The following TTC17 variants were observed in gnomAD, a reference collection of about 807,000 sequenced individuals.
TTC17 encodes the protein tetratricopeptide repeat domain 17.
In TTC17, 58 loss-of-function variants were observed where a neutral mutation model predicts 143.8. The ratio of observed to expected loss-of-function variants is 0.40; its 90% confidence interval spans 0.33 to 0.50. The LOEUF (loss-of-function observed/expected upper bound fraction) is 0.50. Among genes scored for constraint, TTC17 ranks in the 20% least tolerant of loss-of-function variants. The pLI, the probability that TTC17 is intolerant of heterozygous loss-of-function variation, is 0.49. For missense variants in TTC17, 1,273 were observed against 1,392.5 expected (o/e 0.91, Z 1.37); for synonymous variants, 501 against 497.8 (o/e 1.01, Z -0.09).
In TTC17 at chr11:43,397,604, C is replaced by T. The variant is rs1234723208; in HGVS notation, c.918+113C>T. ...TTTTCCATTCCTTTTTTGGTCTGAACGATGGAAATGAAATTAGGAGGAAGA... is the reference window on the plus strand; with the variant it reads ...TTTTCCATTCCTTTTTTGGTCTGAATGATGGAAATGAAATTAGGAGGAAGA... On this transcript the variant is annotated intron_variant, in intron 7 of 23. Coordinates refer to ENST00000039989, the MANE Select transcript of TTC17 (RefSeq NM_018259.6). The T allele has an allele frequency of 3.0e-5, 36 of 1,212,054 alleles. 1 individual carries two copies. Among genetic ancestry groups the T allele is most frequent in the South Asian group, 1.2e-4 (6 of 51,762 alleles). 75.1% of individuals were successfully genotyped at this position (1,212,054 alleles called of 1,614,324 possible).
At chr11:43,382,655 C>T (rs1199279812) in intron 2 of TTC17, among the ~76,000 whole-genome samples, 1 of 152,092 alleles carries the variant, frequency 6.6e-6, no homozygotes, top group Non-Finnish European at 1.5e-5. Flanking sequence ...CTTTCTCTTA[C>T]ATTTTATATA....
intron 19 of TTC17, 77 bp from the exon 20 acceptor site, chr11:43,450,005 T>C (rs905671822): frequency 6.8e-7 from 1 of 1,480,440 alleles, no homozygotes. Context: ...CTCTCCTTGA[T>C]TGTTAATGCT....
At chr11:43,409,211 A>C (rs1202837517) in intron 15 of TTC17, among the ~76,000 whole-genome samples, 2 of 152,226 alleles carry the variant, frequency 1.3e-5, no homozygotes, top group Non-Finnish European at 2.9e-5. Context: ...TGGTTGTATA[A>C]AGGACCAATG....
At chr11:43,397,556 C>G in intron 7 of TTC17, 65 bp downstream of exon 7, 1 of 1,189,780 alleles carries the variant, frequency 8.4e-7, no homozygotes, top group Non-Finnish European at 1.1e-6. Flanking sequence ...TTTTTTTTCT[C>G]CCCCCTCAGT....
intron 1 of TTC17, among the ~76,000 whole-genome samples, chr11:43,359,627 G>T (rs1004872302): frequency 6.6e-6 from 1 of 152,194 alleles, no homozygotes; most frequent in Admixed American, 6.5e-5. Flanking sequence ...GTTTCTGGTT[G>T]TGTTGGTTTC....
chr11:43,488,579 A>T (rs1165876256), intron 21 of TTC17, among the ~76,000 whole-genome samples: 1 of 152,050 alleles, frequency 6.6e-6, no homozygotes, highest in Non-Finnish European at 1.5e-5. Context: ...TCTGGAGAAA[A>T]ATTAAGTTGG....
At chr11:43,379,744 T>C (rs1856894210) in intron 2 of TTC17, among the ~76,000 whole-genome samples, 1 of 152,190 alleles carries the variant, frequency 6.6e-6, no homozygotes, top group African/African-American at 2.4e-5. Flanking sequence ...TAAAAACTAA[T>C]GTCTTCCTAT....
chr11:43,436,436 C>A, intron 16 of TTC17: 1 of 1,074,670 alleles, frequency 9.3e-7, no homozygotes, highest in Non-Finnish European at 1.2e-6. Flanking sequence ...TCTTCTTTAA[C>A]AATCATTATA....
chr11:43,381,124 T>C (rs928233329), intron 2 of TTC17, among the ~76,000 whole-genome samples: 1 of 152,188 alleles, frequency 6.6e-6, no homozygotes, highest in African/African-American at 2.4e-5. Flanking sequence ...ATGAAAAATA[T>C]TGACTCCACC....
chr11:43,401,192 A>G (rs150112943), intron 9 of TTC17, among the ~76,000 whole-genome samples: 3 of 152,338 alleles, frequency 2.0e-5, no homozygotes, highest in African/African-American at 7.2e-5. Flanking sequence ...ATCACAGACT[A>G]TAATTGCTGA....
At chr11:43,362,109 T>C (rs1196993246) in intron 1 of TTC17, among the ~76,000 whole-genome samples, 1 of 151,100 alleles carries the variant, frequency 6.6e-6, no homozygotes, top group African/African-American at 2.4e-5. Context: ...GCATCCCGAG[T>C]AGCTGGGATT....
intron 11 of TTC17, 127 bp from the exon 12 acceptor site, chr11:43,405,387 A>G: frequency 1.4e-6 from 1 of 715,148 alleles, no homozygotes. Context: ...AATATTATAG[A>G]GTCTACCATA....
At chr11:43,454,020 T>C (rs765835453) in intron 21 of TTC17, among the ~76,000 whole-genome samples, 6 of 152,156 alleles carry the variant, frequency 3.9e-5, no homozygotes, top group Non-Finnish European at 8.8e-5. Context: ...TGTATACCCA[T>C]TGCTTTCACA....
rs536707503 is a variant in TTC17, at chr11:43,437,122, G to A, written c.2252-6203G>A. Among the ~76,000 whole-genome samples, 105 of 149,744 alleles carry A rather than the reference G, an allele frequency of 7.0e-4. No individual in the cohort carries two copies. In the East Asian group the frequency reaches 7.6e-3, roughly 11 times the overall value. ...CTTATTTCTACTTTTTTTTTTTAGC[G>A]TACTCTTTATCTGGATGTGCCATAG... On this transcript the variant is annotated intron_variant, in intron 16 of 23. Transcript: ENST00000039989.
At chr11:43,369,845 G>T (rs1471672758) in intron 1 of TTC17, among the ~76,000 whole-genome samples, 1 of 151,980 alleles carries the variant, frequency 6.6e-6, no homozygotes, top group African/African-American at 2.4e-5. Context: ...TCGAACTCCT[G>T]ACCTCAGGAG....
chr11:43,421,624 C>G (rs2134647801), intron 16 of TTC17, among the ~76,000 whole-genome samples: 2 of 152,276 alleles, frequency 1.3e-5, no homozygotes, highest in East Asian at 3.9e-4. Context: ...TGCACGGGAT[C>G]TAGGTTACAC....
Position 43,396,463 on chromosome 11 carries a change from G to A in TTC17, c.664-246G>A, listed in dbSNP as rs188690463. ...TCTTATTTCCCTCTTGGAATAAGCT[G>A]GAGTTGGATGGTCTCTATATGAAGA... On this transcript the variant is annotated intron_variant, in intron 5 of 23. Transcript: ENST00000039989. The A allele has an allele frequency of 5.6e-5, 15 of 268,678 alleles. No homozygotes were observed. In the East Asian group the frequency reaches 7.6e-4, roughly 14 times the overall value. The allele number at this position is 268,678 out of a possible 1,614,324, so 16.6% of individuals were successfully genotyped here.
intron 18 of TTC17, among the ~76,000 whole-genome samples, chr11:43,447,103 T>C (rs1168757464): frequency 6.6e-6 from 1 of 152,102 alleles, no homozygotes. Context: ...GAGGATCACT[T>C]GAGTCCAGGA....
intron 15 of TTC17, among the ~76,000 whole-genome samples, chr11:43,408,504 G>A (rs1858248224): frequency 6.6e-6 from 1 of 152,144 alleles, no homozygotes; most frequent in Non-Finnish European, 1.5e-5. Flanking sequence ...ATGTGATAAA[G>A]TGGGCAATGG....
Sources: allele counts gnomAD v4.1 joint callset (sites outside exome capture counted in the v4.1 genomes callset), GRCh38; gene constraint gnomAD v4.1.1; transcripts MANE v1.5; gene names NCBI Gene and HGNC (gene_info 2026-07-23, HGNC 2026-07-21).